Variants in DOP1B observed in about 807,000 individuals in gnomAD.
DOP1B encodes the protein DOP1 leucine zipper like protein B, also known as protein DOP1B.
DOP1B carries 174 observed loss-of-function variants against 233.5 expected under a neutral mutation model. That is an observed-to-expected ratio of 0.75 (90% CI 0.66 to 0.85). The LOEUF is 0.85. Among genes scored for constraint, DOP1B ranks in the 40% least tolerant of loss-of-function variants. The pLI is 0.00. For synonymous variants in DOP1B, 1,190 were observed against 1,185.6 expected, an observed-to-expected ratio of 1.00 and a Z score of -0.08; for missense variants, 2,652 against 2,846.6, an observed-to-expected ratio of 0.93 and a Z score of 1.56.
At chr21:36,283,023 G>T (rs1292538309) in intron 32 of DOP1B, among the ~76,000 whole-genome samples, 2 of 138,288 alleles carry the variant, frequency 1.4e-5, no homozygotes, top group African/African-American at 5.3e-5. Context: ...GATTGTCAGG[G>T]TTTTTTTTTT....
chr21:36,245,259 G>A lies in DOP1B; in HGVS notation c.3279G>A (p.Val1093=). The change falls in exon 19 of 37, where the codon GTG becomes GTA. Residue 1093 remains valine, a synonymous_variant. Coordinates refer to ENST00000691173, the MANE Select transcript of DOP1B (RefSeq NM_001320714.2). This position sits in a 1 kb window ranked among gnomAD's most constrained non-coding sequence, Gnocchi z 5.5. ...GCGAGGAAGAGCTGCCCTACTACGT[G>A]GAGCTTCCAGACAGGACGGCCCACG... ...ELSEEELPYY[V]ELPDRTAHGA... 6.2e-7 allele frequency: 1 copy of A among 1,614,100 alleles called. No homozygotes were observed.
At chr21:36,270,682 G>C (rs1187355011) in intron 27 of DOP1B, among the ~76,000 whole-genome samples, 2 of 151,592 alleles carry the variant, frequency 1.3e-5, no homozygotes, top group African/African-American at 4.9e-5. Context: ...GGGAGGCCGA[G>C]GTGGGTGGAT....
At chr21:36,236,138 G>T (rs1032920011) in intron 15 of DOP1B, among the ~76,000 whole-genome samples, 2 of 152,212 alleles carry the variant, frequency 1.3e-5, no homozygotes, top group African/African-American at 4.8e-5. Context: ...AATGTCTTTA[G>T]AAATTTAGAA....
Position 36,253,865 on chromosome 21 carries a change from A to G in DOP1B, c.5215A>G (p.Lys1739Glu). Residue 1739 changes from lysine (K) to glutamate (E), a missense_variant, in exon 23 of 37, where the codon AAG (lysine) becomes GAG (glutamate). By Grantham distance (56) the Lys-to-Glu change is moderately conservative. Around this residue, in one of 3 missense-constraint regions of DOP1B, gnomAD observed 2,617 missense variants for 2,794.3 expected, o/e 0.94. Transcript: ENST00000691173. ...LQTDTLLHLV[K>E]EVVKRPPQVK... ...GACTGACACGCTGCTGCACCTGGTGAAGGAGGTGGTGAAGAGGCCACCCCA... is the reference window on the plus strand; with the variant it reads ...GACTGACACGCTGCTGCACCTGGTGGAGGAGGTGGTGAAGAGGCCACCCCA... 6.2e-7 allele frequency: 1 copy of G among 1,613,892 alleles called. No individual in the cohort carries two copies. The highest frequency in any genetic ancestry group is 2.2e-5 in the East Asian group (1 of 44,866).
At chr21:36,204,213 C>T (rs1477412510) in intron 4 of DOP1B, among the ~76,000 whole-genome samples, 1 of 152,126 alleles carries the variant, frequency 6.6e-6, no homozygotes, top group African/African-American at 2.4e-5. Context: ...CACACAGGTG[C>T]CCCGACAACA....
chr21:36,258,828 G>A (rs1055495216), intron 23 of DOP1B, among the ~76,000 whole-genome samples: 1 of 152,186 alleles, frequency 6.6e-6, no homozygotes. Flanking sequence ...ACAGCACTGC[G>A]AGGCCAGGTT....
At chr21:36,158,607 A>G (rs978044752) in intron 1 of DOP1B, among the ~76,000 whole-genome samples, 1 of 152,062 alleles carries the variant, frequency 6.6e-6, no homozygotes, top group Non-Finnish European at 1.5e-5. Context: ...GATCAAGACC[A>G]TCCTGGCCAA....
chr21:36,169,363 G>A lies in DOP1B; in HGVS notation c.138+4492G>A, dbSNP rs184219395. On this transcript the variant is annotated intron_variant, in intron 2 of 36. Transcript: ENST00000691173. Reference sequence around the variant, plus strand: ...TGTTGATCTCAGTGTGGTGATGGTCGCCTTTCTGCCCAGCACATGCCATGG... The same window carrying A: ...TGTTGATCTCAGTGTGGTGATGGTCACCTTTCTGCCCAGCACATGCCATGG... 62 of 802,856 alleles carry A rather than the reference G, an allele frequency of 7.7e-5. 1 individual carries two copies. Among genetic ancestry groups the A allele is most frequent in the Middle Eastern group, 3.6e-4 (1 of 2,790 alleles). 49.7% of individuals were successfully genotyped at this position (802,856 alleles called of 1,614,324 possible).
intron 18 of DOP1B, among the ~76,000 whole-genome samples, chr21:36,242,987 T>C (rs894792100): frequency 6.6e-6 from 1 of 150,948 alleles, no homozygotes; most frequent in African/African-American, 2.4e-5. Flanking sequence ...TTTTCTTTTT[T>C]TTTTTTTTTT....
At chr21:36,274,314 T>C (rs2067325412) in intron 27 of DOP1B, among the ~76,000 whole-genome samples, 1 of 152,114 alleles carries the variant, frequency 6.6e-6, no homozygotes, top group Non-Finnish European at 1.5e-5. Flanking sequence ...AAAGGGACAG[T>C]TTAAATGCAG....
At position 36,215,620 on chromosome 21, in the gene DOP1B, G is replaced by A. The variant is rs371971732; in HGVS notation, c.1129+1064G>A. Among the ~76,000 whole-genome samples the A allele has an allele frequency of 3.2e-3, 485 of 151,578 alleles. 2 individuals are homozygous for A. Among genetic ancestry groups the A allele is most frequent in the African/African-American group, 0.011 (463 of 41,430 alleles). ...GGGTTTCATCATCTTGGCTAAGCTG[G>A]TCTCAAACTCCTGACCTCAAGTGAT... On this transcript the variant is annotated intron_variant, in intron 9 of 36. Coordinates refer to ENST00000691173, the MANE Select transcript of DOP1B (RefSeq NM_001320714.2).
intron 4 of DOP1B, among the ~76,000 whole-genome samples, chr21:36,205,433 G>C (rs1238494184): frequency 6.6e-6 from 1 of 152,034 alleles, no homozygotes; most frequent in Non-Finnish European, 1.5e-5. Flanking sequence ...CTGTTGCCCA[G>C]GCTGGAGTGC....
intron 12 of DOP1B, among the ~76,000 whole-genome samples, chr21:36,227,066 G>C (rs1350072973): frequency 7.3e-5 from 11 of 151,342 alleles, no homozygotes; most frequent in Admixed American, 7.3e-4. Context: ...AAGTTAGCCG[G>C]GTGTGGTGGC....
intron 1 of DOP1B, among the ~76,000 whole-genome samples, chr21:36,158,081 G>C (rs2065836213): frequency 6.6e-6 from 1 of 152,082 alleles, no homozygotes; most frequent in Non-Finnish European, 1.5e-5. Flanking sequence ...TTACAGGTAT[G>C]AGCCACAGTG....
At chr21:36,273,721 G>A (rs943014881) in intron 27 of DOP1B, among the ~76,000 whole-genome samples, 1 of 152,134 alleles carries the variant, frequency 6.6e-6, no homozygotes, top group African/African-American at 2.4e-5. Flanking sequence ...TGAAAGTGGT[G>A]GGAAGAGGTC....
intron 1 of DOP1B, among the ~76,000 whole-genome samples, chr21:36,161,599 C>T (rs2065870252): frequency 6.6e-6 from 1 of 152,328 alleles, no homozygotes; most frequent in Admixed American, 6.5e-5. Flanking sequence ...AGCAATCCTC[C>T]TACCTCAACC....
chr21:36,202,406 G>A (rs973638738), intron 4 of DOP1B, among the ~76,000 whole-genome samples: 7 of 152,142 alleles, frequency 4.6e-5, no homozygotes, highest in African/African-American at 1.4e-4. Context: ...TACACAACGC[G>A]CTGCTCATAT....
At chr21:36,222,770 C>T (rs951493577) in intron 10 of DOP1B, among the ~76,000 whole-genome samples, 1 of 151,922 alleles carries the variant, frequency 6.6e-6, no homozygotes. Flanking sequence ...GAGTCTCACT[C>T]TGTCATCCAG....
At chr21:36,239,072 C>T (rs1427493682) in intron 17 of DOP1B, among the ~76,000 whole-genome samples, 1 of 152,148 alleles carries the variant, frequency 6.6e-6, no homozygotes, top group Non-Finnish European at 1.5e-5. Context: ...CACTCCACTC[C>T]AGCCTGGGTG....
Sources: gnomAD v4.1 joint callset for allele counts (sites outside exome capture counted in the v4.1 genomes callset) on GRCh38, gnomAD v4.1.1 for gene constraint, gnomAD v4.1.1 regional missense constraint, Gnocchi (gnomAD v3.1) non-coding constraint, MANE v1.5 for transcripts, NCBI Gene and HGNC (gene_info 2026-07-23, HGNC 2026-07-21) for gene names.